Variants in ZNF254 observed in about 807,000 individuals in gnomAD.
ZNF254 encodes zinc finger protein 254, also known as CTD-2017D11.1.
ZNF254 carries 10 observed loss-of-function variants against 12.4 expected under a neutral mutation model. The observed-to-expected ratio is 0.80, with a 90% CI of 0.50 to 1.36. The LOEUF is 1.36. ZNF254 is among the 40% of genes most tolerant of loss of function. ZNF254 has a pLI of 0.00. For synonymous variants in ZNF254, 305 were observed against 253.4 expected, an observed-to-expected ratio of 1.20 and a Z score of -1.93; for missense variants, 996 against 763.9, an observed-to-expected ratio of 1.30 and a Z score of -3.58.
At chr19:24,078,033 T>G (rs1413403395) in intron 2 of ZNF254, among the ~76,000 whole-genome samples, 2 of 152,174 alleles carry the variant, frequency 1.3e-5, no homozygotes, top group Admixed American at 6.5e-5. Flanking sequence ...AGGGGCATTT[T>G]TTGTTGTTGT....
chr19:24,090,536 A>C (rs1972309852), intron 1 of ZNF254, among the ~76,000 whole-genome samples: 1 of 152,058 alleles, frequency 6.6e-6, no homozygotes, highest in Admixed American at 6.5e-5. Context: ...TCTTGAGTTC[A>C]GGTGATTCTC....
At chr19:24,042,049 G>C (rs62113668) in intron 1 of ZNF254, among the ~76,000 whole-genome samples, 23,883 of 132,666 alleles carry the variant, frequency 0.18, 2,080 homozygotes, top group Middle Eastern at 0.26. Flanking sequence ...ACATTTATGT[G>C]TAGCTCAAGG....
upstream of ZNF254, among the ~76,000 whole-genome samples, chr19:24,086,648 T>C (rs1972051500): frequency 6.6e-6 from 1 of 152,032 alleles, no homozygotes; most frequent in South Asian, 2.1e-4. Context: ...CAGCTAATTT[T>C]GTATTTTTAG....
intron 2 of ZNF254, among the ~76,000 whole-genome samples, chr19:24,056,825 A>G (rs559153294): frequency 6.6e-6 from 1 of 152,290 alleles, no homozygotes; most frequent in Non-Finnish European, 1.5e-5. Context: ...AGGAAATTTA[A>G]CATATCCCTG....
At chr19:24,114,319 C>A (rs575027297) in intron 3 of ZNF254, among the ~76,000 whole-genome samples, 1 of 144,196 alleles carries the variant, frequency 6.9e-6, no homozygotes, top group African/African-American at 2.6e-5. Context: ...GGTACTGGTA[C>A]GAAAACAGAG....
intron 1 of ZNF254, among the ~76,000 whole-genome samples, chr19:24,095,174 T>C (rs1436018975): frequency 6.6e-6 from 1 of 152,246 alleles, no homozygotes; most frequent in Non-Finnish European, 1.5e-5. Flanking sequence ...GTTTTGTTTA[T>C]ATGATGAATC....
At chr19:24,061,022 T>C (rs546319507) in intron 2 of ZNF254, among the ~76,000 whole-genome samples, 2 of 152,322 alleles carry the variant, frequency 1.3e-5, no homozygotes, top group East Asian at 3.9e-4. Context: ...ACCTAGGTAA[T>C]GTGATTCTTC....
At chr19:24,091,984 G>A (rs796409483) in intron 1 of ZNF254, 26 of 219,144 alleles carry the variant, frequency 1.2e-4, no homozygotes, top group East Asian at 1.9e-4. Context: ...GGTTCACGCC[G>A]TTCTCAGCCT....
chr19:24,110,699 C>T (rs548394678), intron 3 of ZNF254, among the ~76,000 whole-genome samples: 133 of 152,144 alleles, frequency 8.7e-4, no homozygotes, highest in Non-Finnish European at 1.6e-3. Flanking sequence ...TTTATGCTCT[C>T]TACAACCCTT....
chr19:24,102,464 A>G (rs982905459), intron 1 of ZNF254, among the ~76,000 whole-genome samples: 2 of 151,780 alleles, frequency 1.3e-5, no homozygotes, highest in Non-Finnish European at 2.9e-5. Context: ...TGTAAAGAAC[A>G]GAATTTTACA....
At chr19:24,098,767 C>G (rs561378424) in intron 1 of ZNF254, 2 of 152,128 alleles carry the variant, frequency 1.3e-5, no homozygotes, top group East Asian at 3.9e-4. Flanking sequence ...TTTAGAAGCC[C>G]TATTGGTATC....
At chr19:24,089,034 T>C (rs2145650282) in intron 1 of ZNF254, among the ~76,000 whole-genome samples, 1 of 138,082 alleles carries the variant, frequency 7.2e-6, no homozygotes, top group African/African-American at 2.8e-5. Context: ...TGGAGTGCAA[T>C]GGCACGATCT....
At chr19:24,071,936 G>T (rs1267552440) in intron 2 of ZNF254, among the ~76,000 whole-genome samples, 1 of 152,160 alleles carries the variant, frequency 6.6e-6, no homozygotes, top group Non-Finnish European at 1.5e-5. Flanking sequence ...TATGCAAATT[G>T]TATATTGTGT....
intron 1 of ZNF254, among the ~76,000 whole-genome samples, chr19:24,035,666 G>A (rs1263143698): frequency 2.0e-5 from 3 of 151,906 alleles, no homozygotes; most frequent in Non-Finnish European, 2.9e-5. Context: ...AGCGAGACTC[G>A]GTCTCAAAGA....
intron 2 of ZNF254, among the ~76,000 whole-genome samples, chr19:24,058,868 A>G (rs1970964451): frequency 6.6e-6 from 1 of 152,154 alleles, no homozygotes. Context: ...TAACTCCCTT[A>G]TTTAGGTTCT....
At position 24,127,864 on chromosome 19, in the gene ZNF254, A is replaced by G. The variant is rs1244560554; in HGVS notation, c.1864A>G (p.Arg622Gly). Reference sequence around the variant, plus strand: ...GTCCTCAACCCTAACTAAACATAAGAGAATTCATACTGGAGAGCAACCCTA... The same window carrying G: ...GTCCTCAACCCTAACTAAACATAAGGGAATTCATACTGGAGAGCAACCCTA... ...FWSSTLTKHKRIHTGEQPYKW... is the reference protein window; with the variant it reads ...FWSSTLTKHKGIHTGEQPYKW... Residue 622 changes from arginine to glycine, a missense_variant, in exon 4 of 4, where the codon AGA becomes GGA. By Grantham distance (125) the Arg-to-Gly change is moderately radical. Transcript: ENST00000357002. 3.7e-6 allele frequency: 6 copies of G among 1,613,356 alleles called. No homozygotes were observed. The highest frequency in any genetic ancestry group is 5.1e-6 in the Non-Finnish European group (6 of 1,179,764).
rs778197231 is a variant in ZNF254 at position 24,126,733 on chromosome 19, A to T, written c.733A>T (p.Lys245Ter). ...EKPYKCEEYN[K>*]SPKQLSTLTT... The stretch of plus-strand genomic sequence containing the variant: ...ACCTTACAAATGTGAAGAATATAAC[A>T]AATCTCCTAAGCAACTCTCAACCCT... Residue 245 changes from lysine to a stop codon, truncating the protein, a stop_gained, in exon 4 of 4, where the codon AAA becomes TAA. Transcript: ENST00000357002. LOFTEE classifies it low-confidence loss of function (END_TRUNC). 3 of 1,613,580 alleles carry T rather than the reference A, an allele frequency of 1.9e-6. No individual in the cohort carries two copies. The Admixed American group carries it at 5.0e-5, about 27-fold the overall frequency.
intron 2 of ZNF254, among the ~76,000 whole-genome samples, chr19:24,081,574 G>A (rs1971846455): frequency 6.6e-6 from 1 of 152,050 alleles, no homozygotes; most frequent in African/African-American, 2.4e-5. Context: ...TTACTTAAAA[G>A]AGTAAACCAG....
At chr19:24,084,686 G>A (rs1802259170), upstream of ZNF254, among the ~76,000 whole-genome samples, 2 of 151,990 alleles carry the variant, frequency 1.3e-5, no homozygotes, top group Admixed American at 1.3e-4. Context: ...AGAGTGCAGT[G>A]GCTTAATCAG....
Sources: allele counts gnomAD v4.1 joint callset (sites outside exome capture counted in the v4.1 genomes callset), GRCh38; gene constraint gnomAD v4.1.1; transcripts MANE v1.5; gene names NCBI Gene and HGNC (gene_info 2026-07-23, HGNC 2026-07-21).